ABHD17B: variants seen among roughly 807,000 people sequenced by gnomAD.
ABHD17B encodes alpha/beta hydrolase domain-containing protein 17B.
A neutral mutation model predicts 26.2 loss-of-function variants in ABHD17B; 9 were observed. The observed-to-expected ratio is 0.34, with a 90% CI of 0.21 to 0.60. The LOEUF (loss-of-function observed/expected upper bound fraction) is 0.60, where lower values mean the gene tolerates loss of function less well. Ranked by LOEUF, ABHD17B falls within the 20% of genes least tolerant of loss-of-function variation. The probability of loss-of-function intolerance (pLI) is 0.80; values close to 1 mark genes in which losing one functional copy is unlikely to be tolerated. For missense variants in ABHD17B, 224 were observed against 352.1 expected (o/e 0.64, Z 2.91); for synonymous variants, 127 against 122.3 (o/e 1.04, Z -0.25).
chr9:71,891,037 C>T (rs939264135), intron 1 of ABHD17B, among the ~76,000 whole-genome samples: 7 of 152,100 alleles, frequency 4.6e-5, no homozygotes, highest in Non-Finnish European at 1.0e-4. Context: ...CACTACCCCC[C>T]ACCCCCTTAC....
intron 2 of ABHD17B, 143 bp downstream of exon 2, chr9:71,874,469 AAT>A: frequency 1.7e-6 from 1 of 592,288 alleles, no homozygotes; most frequent in Non-Finnish European, 2.7e-6. Flanking sequence ...TGCTGTCTAA[AAT>A]ATTTATTCAC....
chr9:71,907,466 G>A lies in ABHD17B; in HGVS notation c.-4+3168C>T, dbSNP rs543775783. 2.0e-5 allele frequency among the ~76,000 whole-genome samples: 3 copies of A among 152,112 alleles called. No individual in the cohort carries two copies. The South Asian group carries it at 6.2e-4, about 32-fold the overall frequency. On this transcript the variant is annotated intron_variant, in intron 1 of 3. Coordinates refer to ENST00000333421, the MANE Select transcript of ABHD17B (RefSeq NM_001025780.3). Reference sequence around the variant, plus strand: ...CTGGTTAGATATCGGGGGGAAAAGGGAACAGCATTTAAGAGAGGTATTAAC... The same window carrying A: ...CTGGTTAGATATCGGGGGGAAAAGGAAACAGCATTTAAGAGAGGTATTAAC...
chr9:71,886,631 T>C (rs1041202795), intron 1 of ABHD17B, among the ~76,000 whole-genome samples: 4 of 152,112 alleles, frequency 2.6e-5, no homozygotes, highest in East Asian at 3.9e-4. Flanking sequence ...GCGATCCTCC[T>C]ACCTCAGCCT....
downstream of ABHD17B, among the ~76,000 whole-genome samples, chr9:71,863,109 GTTC>G (rs1430224245): frequency 3.9e-5 from 6 of 152,190 alleles, no homozygotes; most frequent in African/African-American, 1.2e-4. Context: ...GTTCATGAAA[GTTC>G]TTCTTCATCA....
At chr9:71,898,449 T>G (rs1426922616) in intron 1 of ABHD17B, among the ~76,000 whole-genome samples, 2 of 142,454 alleles carry the variant, frequency 1.4e-5, no homozygotes, top group Admixed American at 1.4e-4. Flanking sequence ...CTGACCAACA[T>G]GGCGAAACTC....
chr9:71,897,794 T>A (rs764762101), intron 1 of ABHD17B, among the ~76,000 whole-genome samples: 1 of 152,200 alleles, frequency 6.6e-6, no homozygotes, highest in Non-Finnish European at 1.5e-5. Context: ...TAAACTGTCA[T>A]CTCTACCACT....
intron 1 of ABHD17B, among the ~76,000 whole-genome samples, chr9:71,875,993 C>G (rs1339350898): frequency 6.6e-6 from 1 of 152,330 alleles, no homozygotes; most frequent in East Asian, 1.9e-4. Context: ...CACTGCCTCA[C>G]AGATTCAGAA....
chr9:71,906,283 CT>C (rs2132216015), intron 1 of ABHD17B, among the ~76,000 whole-genome samples: 1 of 152,176 alleles, frequency 6.6e-6, no homozygotes, highest in African/African-American at 2.4e-5. Context: ...ACTTTTATTT[CT>C]GTTTAAACTT....
intron 1 of ABHD17B, among the ~76,000 whole-genome samples, chr9:71,891,092 C>A (rs934237132): frequency 4.6e-5 from 7 of 152,198 alleles, no homozygotes; most frequent in Non-Finnish European, 8.8e-5. Flanking sequence ...TATACTTCCA[C>A]ACTTACAGCA....
chr9:71,906,560 A>C lies in ABHD17B; in HGVS notation c.-4+4074T>G, dbSNP rs1294547872. Among the ~76,000 whole-genome samples, 8 of 152,216 alleles carry C rather than the reference A, an allele frequency of 5.3e-5. No individual in the cohort carries two copies. The South Asian group carries it at 1.7e-3, about 32-fold the overall frequency. ...CACAGTGGCTCATGTCTGTAATCCC[A>C]ATGTCCCAGTGCTTTGGGATACTGA... On this transcript the variant is annotated intron_variant, in intron 1 of 3. Coordinates refer to ENST00000333421, the MANE Select transcript of ABHD17B (RefSeq NM_001025780.3).
chr9:71,903,276 A>T (rs1039864619), intron 1 of ABHD17B, among the ~76,000 whole-genome samples: 4 of 152,106 alleles, frequency 2.6e-5, no homozygotes, highest in Non-Finnish European at 4.4e-5. Flanking sequence ...CACCTCAGAC[A>T]CTATAAGAAG....
chr9:71,902,410 C>T (rs948475522), intron 1 of ABHD17B: 1 of 148,600 alleles, frequency 6.7e-6, no homozygotes, highest in African/African-American at 2.5e-5. Context: ...ATCTCATTAC[C>T]CCCACCTTCC....
intron 1 of ABHD17B, among the ~76,000 whole-genome samples, chr9:71,878,736 T>C (rs145327276): frequency 1.0e-3 from 152 of 151,576 alleles, no homozygotes; most frequent in African/African-American, 3.6e-3. Context: ...TTAAGCAACA[T>C]AGGAAAACAT....
chr9:71,882,022 A>G (rs1269200000), intron 1 of ABHD17B, among the ~76,000 whole-genome samples: 3 of 152,208 alleles, frequency 2.0e-5, no homozygotes, highest in African/African-American at 7.2e-5. Flanking sequence ...GCTTAACACC[A>G]TCAGTCATCA....
intron 1 of ABHD17B, among the ~76,000 whole-genome samples, chr9:71,892,726 A>G (rs1019507551): frequency 2.0e-5 from 3 of 152,096 alleles, no homozygotes; most frequent in African/African-American, 7.2e-5. Context: ...CATTTCCTAC[A>G]GCTGTTTTCC....
chr9:71,904,196 T>A (rs916175471), intron 1 of ABHD17B, among the ~76,000 whole-genome samples: 3 of 152,212 alleles, frequency 2.0e-5, no homozygotes, highest in Non-Finnish European at 4.4e-5. Flanking sequence ...TAATATATTA[T>A]TTGTTGTGCA....
intron 1 of ABHD17B, among the ~76,000 whole-genome samples, chr9:71,876,252 C>CA (rs1246011792): frequency 6.6e-6 from 1 of 152,034 alleles, no homozygotes; most frequent in African/African-American, 2.4e-5. Flanking sequence ...CTAACTCTAC[C>CA]ACTTACCGTT....
rs1211348106 is a variant in ABHD17B, at chr9:71,901,840, C to G, written c.-4+8794G>C. 3.3e-5 allele frequency among the ~76,000 whole-genome samples: 5 copies of G among 152,250 alleles called. No homozygotes were observed. The East Asian group carries it at 9.7e-4, about 29-fold the overall frequency. On this transcript the variant is annotated intron_variant, in intron 1 of 3. Coordinates refer to ENST00000333421, the MANE Select transcript of ABHD17B (RefSeq NM_001025780.3). ...CTCACTAATATCTATTTCATACCCC[C>G]CTAATCCATGCTCTACACTGCCACC...
In ABHD17B at chr9:71,908,193, C is replaced by T. The variant is rs1392936395; in HGVS notation, c.-4+2441G>A. On this transcript the variant is annotated intron_variant, in intron 1 of 3. Transcript: ENST00000333421. ...ATCACCTGAGGTCAGGAGTTGAAGA[C>T]CAGCATGGCCAACGTGGTGAAACCC... Among the ~76,000 whole-genome samples the T allele has an allele frequency of 3.9e-4, 60 of 152,192 alleles. 1 individual carries two copies. The highest frequency in any genetic ancestry group is 1.3e-3 in the African/African-American group (56 of 41,516).
Sources: gnomAD v4.1 joint callset for allele counts (sites outside exome capture counted in the v4.1 genomes callset) on GRCh38, gnomAD v4.1.1 for gene constraint, MANE v1.5 for transcripts, NCBI Gene and HGNC (gene_info 2026-07-23, HGNC 2026-07-21) for gene names.